The following ATF6 variants were observed in gnomAD, a reference collection of about 807,000 sequenced individuals.
ATF6 encodes cyclic AMP-dependent transcription factor ATF-6 alpha.
Under a neutral mutation model 83.6 loss-of-function variants are expected in ATF6, and 53 were observed. That is an observed-to-expected ratio of 0.63 (90% confidence interval 0.51 to 0.80). The LOEUF (loss-of-function observed/expected upper bound fraction) is 0.80. Among genes scored for constraint, ATF6 ranks in the 30% least tolerant of loss-of-function variants. The probability of loss-of-function intolerance (pLI) is 0.00; values close to 1 mark genes in which losing one functional copy is unlikely to be tolerated. For synonymous variants in ATF6, 288 were observed against 285.8 expected (o/e 1.01, Z -0.08); for missense variants, 744 against 797.9 (o/e 0.93, Z 0.81).
chr1:161,885,501 AG>A (rs1687401595), intron 14 of ATF6, among the ~76,000 whole-genome samples: 2 of 152,106 alleles, frequency 1.3e-5, no homozygotes, highest in Non-Finnish European at 2.9e-5. Context: ...TATTGATGGG[AG>A]GAAAAAAGAA....
chr1:161,950,674 C>G (rs575955927), intron 15 of ATF6, among the ~76,000 whole-genome samples: 1 of 152,276 alleles, frequency 6.6e-6, no homozygotes, highest in East Asian at 1.9e-4. Flanking sequence ...AATCAGGTTC[C>G]AGGGCTAGTT....
At chr1:161,812,383 T>C (rs1321887813) in intron 7 of ATF6, among the ~76,000 whole-genome samples, 19 of 89,258 alleles carry the variant, frequency 2.1e-4, no homozygotes, top group Admixed American at 1.0e-3. Context: ...TTTTTTTTTT[T>C]TTTTTTTTTT....
intron 14 of ATF6, among the ~76,000 whole-genome samples, chr1:161,901,061 C>G (rs1051934406): frequency 2.1e-4 from 32 of 152,182 alleles, no homozygotes; most frequent in African/African-American, 7.7e-4. Context: ...AAGCAACAAA[C>G]ATTATTCTTA....
intron 10 of ATF6, among the ~76,000 whole-genome samples, chr1:161,849,319 C>CT (rs1686559252): frequency 1.3e-5 from 2 of 152,170 alleles, no homozygotes; most frequent in African/African-American, 4.8e-5. Context: ...CCCTTACAGC[C>CT]ACAAGAGAGG....
At chr1:161,832,352 T>C (rs1686085927) in intron 9 of ATF6, among the ~76,000 whole-genome samples, 1 of 152,218 alleles carries the variant, frequency 6.6e-6, no homozygotes, top group Non-Finnish European at 1.5e-5. Context: ...GGGTGATTTC[T>C]GCATTTCCAA....
chr1:161,953,216 T>G (rs903683995), intron 15 of ATF6, among the ~76,000 whole-genome samples: 1 of 152,168 alleles, frequency 6.6e-6, no homozygotes, highest in African/African-American at 2.4e-5. Context: ...CTAGACTAAT[T>G]TAGTAATAAT....
intron 12 of ATF6, among the ~76,000 whole-genome samples, chr1:161,856,894 T>C (rs1461030663): frequency 6.6e-6 from 1 of 152,184 alleles, no homozygotes; most frequent in Non-Finnish European, 1.5e-5. Context: ...CATTTGGAGA[T>C]GTGTAGTTTA....
At chr1:161,804,108 T>G (rs1016582511) in intron 7 of ATF6, among the ~76,000 whole-genome samples, 1 of 151,520 alleles carries the variant, frequency 6.6e-6, no homozygotes, top group African/African-American at 2.4e-5. Flanking sequence ...TTTTTTGTTC[T>G]TGCGATAGTT....
chr1:161,769,454 A>G (rs1571112248), intron 1 of ATF6, among the ~76,000 whole-genome samples: 1 of 152,238 alleles, frequency 6.6e-6, no homozygotes, highest in East Asian at 1.9e-4. Flanking sequence ...TGTACATTCT[A>G]TGGCAGGGAT....
At chr1:161,802,381 T>G in intron 7 of ATF6, 109 bp downstream of exon 7, 1 of 927,322 alleles carries the variant, frequency 1.1e-6, no homozygotes, top group Non-Finnish European at 1.6e-6. Context: ...TTTCTTATAT[T>G]GCATCAAATA....
intron 14 of ATF6, among the ~76,000 whole-genome samples, chr1:161,902,556 A>G (rs1163296245): frequency 1.3e-5 from 2 of 152,212 alleles, no homozygotes; most frequent in Admixed American, 1.3e-4. Flanking sequence ...ACAAAGTGCA[A>G]AAAGGCTTGA....
chr1:161,794,260 G>A (rs1229218671), intron 6 of ATF6, among the ~76,000 whole-genome samples: 1 of 152,060 alleles, frequency 6.6e-6, no homozygotes, highest in Non-Finnish European at 1.5e-5. Flanking sequence ...ATAACATACA[G>A]ATTTAAAGTA....
At chr1:161,789,867 ATTT>A (rs1300684255) in intron 4 of ATF6, among the ~76,000 whole-genome samples, 1 of 152,128 alleles carries the variant, frequency 6.6e-6, no homozygotes, top group Non-Finnish European at 1.5e-5. Flanking sequence ...TTGGAAATGT[ATTT>A]TAATACACTC....
At chr1:161,876,394 A>C (rs899941766) in intron 14 of ATF6, among the ~76,000 whole-genome samples, 2 of 152,054 alleles carry the variant, frequency 1.3e-5, no homozygotes, top group Non-Finnish European at 2.9e-5. Flanking sequence ...TCGATTATCC[A>C]CAATTTTATT....
chr1:161,859,617 A>G (rs1398831001), intron 12 of ATF6, among the ~76,000 whole-genome samples: 2 of 152,190 alleles, frequency 1.3e-5, no homozygotes, highest in Non-Finnish European at 2.9e-5. Flanking sequence ...TTACATAACT[A>G]CCAGGGAGAA....
chr1:161,900,806 A>G (rs1291788382), intron 14 of ATF6, among the ~76,000 whole-genome samples: 7 of 152,284 alleles, frequency 4.6e-5, no homozygotes, highest in East Asian at 3.9e-4. Context: ...TCAGTTACAC[A>G]AGAACATTTA....
chr1:161,925,747 T>C (rs1688299662), intron 15 of ATF6, among the ~76,000 whole-genome samples: 1 of 152,140 alleles, frequency 6.6e-6, no homozygotes, highest in Non-Finnish European at 1.5e-5. Flanking sequence ...ATTAAATATA[T>C]GAAGTATCTA....
At chr1:161,885,183 ATCT>A (rs1687395913) in intron 14 of ATF6, among the ~76,000 whole-genome samples, 1 of 152,172 alleles carries the variant, frequency 6.6e-6, no homozygotes. Context: ...ATTTTCTTAC[ATCT>A]TCTTCTCTCA....
At chr1:161,768,281 A>T (rs1684313110) in intron 1 of ATF6, among the ~76,000 whole-genome samples, 1 of 152,198 alleles carries the variant, frequency 6.6e-6, no homozygotes. Context: ...CTAACAGAGC[A>T]TTCAGTTCTT....
Sources: gnomAD v4.1 joint callset for allele counts (sites outside exome capture counted in the v4.1 genomes callset) on GRCh38, gnomAD v4.1.1 for gene constraint, MANE v1.5 for transcripts, NCBI Gene and HGNC (gene_info 2026-07-23, HGNC 2026-07-21) for gene names.